FAM78B: variants seen among roughly 807,000 people sequenced by gnomAD.
The protein encoded by FAM78B is protein FAM78B.
Under a neutral mutation model 20.0 loss-of-function variants are expected in FAM78B, and 10 were observed. The observed-to-expected ratio is 0.50, with a 90% CI of 0.31 to 0.85. FAM78B has a LOEUF of 0.85. FAM78B is among the 40% of genes least tolerant of loss of function. The probability of loss-of-function intolerance (pLI) is 0.05; values close to 1 mark genes in which losing one functional copy is unlikely to be tolerated. For missense variants in FAM78B, 283 were observed against 345.0 expected (o/e 0.82, Z 1.42); for synonymous variants, 135 against 132.8 (o/e 1.02, Z -0.12).
downstream of FAM78B, among the ~76,000 whole-genome samples, chr1:166,056,254 C>G (rs1448106154): frequency 6.6e-6 from 1 of 151,932 alleles, no homozygotes; most frequent in Non-Finnish European, 1.5e-5. Context: ...CTTGCTCTCC[C>G]TCTTTTGACT....
intron 1 of FAM78B, among the ~76,000 whole-genome samples, chr1:166,109,808 A>G (rs200717126): frequency 2.9e-5 from 1 of 34,716 alleles, no homozygotes; most frequent in Non-Finnish European, 5.3e-5. Context: ...ATATATATGT[A>G]TATATGTATA....
chr1:166,164,517 C>T (rs1359736429), intron 1 of FAM78B, among the ~76,000 whole-genome samples: 5 of 152,210 alleles, frequency 3.3e-5, no homozygotes, highest in Non-Finnish European at 2.9e-5. Context: ...ATACAGTGTG[C>T]TGAGGCATAT....
At chr1:166,139,328 A>G (rs1655190824) in intron 1 of FAM78B, among the ~76,000 whole-genome samples, 1 of 152,224 alleles carries the variant, frequency 6.6e-6, no homozygotes. Flanking sequence ...CTCCAAGACC[A>G]AACCACTGTA....
chr1:166,113,075 C>T (rs2101760618), intron 1 of FAM78B, among the ~76,000 whole-genome samples: 1 of 129,520 alleles, frequency 7.7e-6, no homozygotes, highest in Admixed American at 7.3e-5. Context: ...GCTATGCTGT[C>T]TGATGGTCAC....
chr1:166,071,830 C>T (rs948524133), intron 1 of FAM78B, among the ~76,000 whole-genome samples: 10 of 152,252 alleles, frequency 6.6e-5, no homozygotes, highest in Non-Finnish European at 1.0e-4. Context: ...CCAAAGTACC[C>T]TTACACAGCG....
intron 1 of FAM78B, among the ~76,000 whole-genome samples, chr1:166,083,628 C>T (rs757766893): frequency 5.0e-4 from 76 of 152,128 alleles, no homozygotes; most frequent in African/African-American, 1.7e-3. Context: ...CCTCAGCCTC[C>T]GGAGTAGCTA....
chr1:166,149,189 T>C (rs937375699), intron 1 of FAM78B, among the ~76,000 whole-genome samples: 3 of 152,214 alleles, frequency 2.0e-5, no homozygotes, highest in African/African-American at 7.2e-5. Context: ...CAAATGGTAT[T>C]TCTAGTTCTA....
intron 1 of FAM78B, among the ~76,000 whole-genome samples, chr1:166,121,248 G>A (rs941547811): frequency 2.0e-5 from 3 of 152,124 alleles, no homozygotes; most frequent in Non-Finnish European, 2.9e-5. Flanking sequence ...ATGGTCCTGG[G>A]GACTTCAGCA....
intron 1 of FAM78B, among the ~76,000 whole-genome samples, chr1:166,157,907 A>G (rs1655979615): frequency 6.6e-6 from 1 of 152,158 alleles, no homozygotes. Context: ...GCTCCTCAGC[A>G]TGAAAGGAGC....
At chr1:166,056,948 A>G (rs978158805), downstream of FAM78B, among the ~76,000 whole-genome samples, 1 of 152,164 alleles carries the variant, frequency 6.6e-6, no homozygotes, top group African/African-American at 2.4e-5. Context: ...CTTGTAAGAG[A>G]GGCCCAAGGA....
At chr1:166,119,167 C>T (rs191494523) in intron 1 of FAM78B, among the ~76,000 whole-genome samples, 32 of 152,268 alleles carry the variant, frequency 2.1e-4, no homozygotes, top group African/African-American at 7.0e-4. Flanking sequence ...TCAGCATTAG[C>T]ATTCACCTTC....
intron 1 of FAM78B, among the ~76,000 whole-genome samples, chr1:166,129,330 C>T (rs1203110672): frequency 1.3e-5 from 2 of 152,244 alleles, no homozygotes. Flanking sequence ...ATAAAAAGTG[C>T]TTTGCACAGG....
At chr1:166,077,621 T>A (rs949346392) in intron 1 of FAM78B, among the ~76,000 whole-genome samples, 3 of 129,434 alleles carry the variant, frequency 2.3e-5, no homozygotes, top group African/African-American at 1.1e-4. Flanking sequence ...ATAAATTATA[T>A]ATAATACATA....
At chr1:166,115,457 G>T (rs1445105989) in intron 1 of FAM78B, among the ~76,000 whole-genome samples, 1 of 152,222 alleles carries the variant, frequency 6.6e-6, no homozygotes, top group Non-Finnish European at 1.5e-5. Flanking sequence ...ACTTGGGAAG[G>T]TAGGTAGGGG....
chr1:166,118,183 C>A (rs1414347205), intron 1 of FAM78B, among the ~76,000 whole-genome samples: 1 of 152,212 alleles, frequency 6.6e-6, no homozygotes, highest in Non-Finnish European at 1.5e-5. Context: ...TGCTCACAGA[C>A]AGGAGCTTGG....
intron 1 of FAM78B, among the ~76,000 whole-genome samples, chr1:166,118,807 G>A (rs1355569952): frequency 6.6e-6 from 1 of 152,178 alleles, no homozygotes; most frequent in African/African-American, 2.4e-5. Context: ...GGTGGTGACT[G>A]AGTTGTGGCA....
intron 1 of FAM78B, among the ~76,000 whole-genome samples, chr1:166,071,520 C>G (rs969901165): frequency 2.0e-5 from 3 of 152,014 alleles, no homozygotes; most frequent in Admixed American, 6.5e-5. Flanking sequence ...TGACCTTGTA[C>G]AGGAGGAGGA....
At chr1:166,113,751 G>T (rs1260580290) in intron 1 of FAM78B, among the ~76,000 whole-genome samples, 1 of 152,220 alleles carries the variant, frequency 6.6e-6, no homozygotes, top group Non-Finnish European at 1.5e-5. Flanking sequence ...CAATGAAAGG[G>T]TGTTTCCTGG....
At chr1:166,160,574 A>G (rs1656108235) in intron 1 of FAM78B, among the ~76,000 whole-genome samples, 1 of 152,232 alleles carries the variant, frequency 6.6e-6, no homozygotes, top group African/African-American at 2.4e-5. Flanking sequence ...GTTAAACTAT[A>G]TATTAGTGCT....
Sources: allele counts gnomAD v4.1 joint callset (sites outside exome capture counted in the v4.1 genomes callset), GRCh38; gene constraint gnomAD v4.1.1; transcripts MANE v1.5; gene names NCBI Gene and HGNC (gene_info 2026-07-23, HGNC 2026-07-21).